CDC73: variants seen among roughly 807,000 people sequenced by gnomAD.
CDC73 encodes parafibromin.
In CDC73, 21 loss-of-function variants were observed where a neutral mutation model predicts 83.7. That is an observed-to-expected ratio of 0.25 (90% CI 0.18 to 0.36). CDC73 has a LOEUF of 0.36. Ranked by LOEUF, CDC73 falls within the 10% of genes least tolerant of loss-of-function variation. The pLI, the probability that CDC73 is intolerant of heterozygous loss-of-function variation, is 1.00. For synonymous variants in CDC73, 224 were observed against 212.9 expected (o/e 1.05, Z -0.45); for missense variants, 342 against 653.3 (o/e 0.52, Z 5.19).
At chr1:193,182,084 TG>T (rs1009285063) in intron 10 of CDC73, among the ~76,000 whole-genome samples, 2 of 152,098 alleles carry the variant, frequency 1.3e-5, no homozygotes, top group Non-Finnish European at 2.9e-5. Context: ...GACATACTAT[TG>T]GTGGTATGGT....
chr1:193,201,643 G>T (rs1677092996), intron 10 of CDC73, among the ~76,000 whole-genome samples: 3 of 152,076 alleles, frequency 2.0e-5, no homozygotes. Flanking sequence ...TAGGGAAACA[G>T]AAAATACCCA....
At chr1:193,152,516 C>G in intron 10 of CDC73, 72 bp downstream of exon 10, 1 of 946,370 alleles carries the variant, frequency 1.1e-6, no homozygotes, top group Non-Finnish European at 1.7e-6. Context: ...TGAAGTAAAT[C>G]TTTAGTCTCT....
chr1:193,124,461 G>T (rs1675527176), intron 1 of CDC73, among the ~76,000 whole-genome samples: 1 of 152,198 alleles, frequency 6.6e-6, no homozygotes, highest in Non-Finnish European at 1.5e-5. Flanking sequence ...ACCATATTCA[G>T]ATGGATTCAA....
chr1:193,181,569 A>G (rs2103159526), intron 10 of CDC73: 2 of 1,572,566 alleles, frequency 1.3e-6, no homozygotes, highest in East Asian at 2.2e-5. Context: ...GCATGTTGTA[A>G]ATATCCAGTA....
At chr1:193,139,439 GC>G (rs1469478166) in intron 6 of CDC73, among the ~76,000 whole-genome samples, 2 of 151,808 alleles carry the variant, frequency 1.3e-5, no homozygotes. Flanking sequence ...GCTAATTTTT[GC>G]ATGTTTTGCT....
chr1:193,131,888 G>T (rs899877569), intron 3 of CDC73, among the ~76,000 whole-genome samples: 3 of 152,110 alleles, frequency 2.0e-5, no homozygotes, highest in African/African-American at 7.2e-5. Context: ...GTGCCATCCT[G>T]ATTTATTTTT....
chr1:193,141,131 A>G (rs1472871638), intron 6 of CDC73: 1 of 152,196 alleles, frequency 6.6e-6, no homozygotes, highest in African/African-American at 2.4e-5. Flanking sequence ...ATTTTTGTCT[A>G]CTGTTATTAA....
intron 15 of CDC73, among the ~76,000 whole-genome samples, chr1:193,237,445 A>G (rs1295310895): frequency 6.6e-6 from 1 of 152,182 alleles, no homozygotes; most frequent in Non-Finnish European, 1.5e-5. Flanking sequence ...GCTTTGAAAG[A>G]TAATTTGGCT....
intron 10 of CDC73, chr1:193,185,920 C>G (rs567896690): frequency 6.6e-6 from 1 of 152,226 alleles, no homozygotes; most frequent in South Asian, 2.1e-4. Context: ...GTTTCAAGGG[C>G]AGTGAGCTGT....
rs1436234749 is a variant in CDC73, at chr1:193,251,145, A to C, written c.*433A>C. The C allele has an allele frequency of 4.0e-6, 1 of 250,050 alleles. No individual in the cohort carries two copies. The highest frequency in any genetic ancestry group is 2.2e-5 in the African/African-American group (1 of 45,462). The allele number at this position is 250,050 out of a possible 1,614,324, so 15.5% of individuals were successfully genotyped here. On this transcript the variant is annotated 3_prime_UTR_variant, in exon 17 of 17. Coordinates refer to ENST00000367435, the MANE Select transcript of CDC73 (RefSeq NM_024529.5). ...GTCTCTGGAACATCCAAAACCAAGC[A>C]AAGGGATGTGACTATTTTGAATGAA...
chr1:193,141,833 A>C lies in CDC73; in HGVS notation c.513-17A>C, dbSNP rs202192473. ...GGAATGCCTGCTGTGAAAATTTAAA[A>C]AAGAAATTGCTTTTAGGTCTTTGTC... On this transcript the variant is annotated splice_polypyrimidine_tract_variant and intron_variant, in intron 6 of 16. Transcript: ENST00000367435. 248 of 1,578,806 alleles carry C rather than the reference A, an allele frequency of 1.6e-4. No homozygotes were observed. The highest frequency in any genetic ancestry group is 1.2e-3 in the African/African-American group (91 of 74,170).
intron 2 of CDC73, among the ~76,000 whole-genome samples, chr1:193,129,111 C>T (rs1307372037): frequency 1.3e-5 from 2 of 151,518 alleles, no homozygotes; most frequent in Non-Finnish European, 2.9e-5. Context: ...GATTCTCTTG[C>T]CTCAGCCTCC....
intron 10 of CDC73, among the ~76,000 whole-genome samples, chr1:193,196,112 T>C (rs1263713865): frequency 2.6e-5 from 4 of 152,218 alleles, no homozygotes; most frequent in African/African-American, 9.6e-5. Flanking sequence ...TCTAAGAGTT[T>C]TATAGTTTTC....
At chr1:193,136,043 T>A (rs1433834961) in intron 5 of CDC73, among the ~76,000 whole-genome samples, 2 of 149,448 alleles carry the variant, frequency 1.3e-5, no homozygotes, top group African/African-American at 2.5e-5. Flanking sequence ...TAATTTTTGA[T>A]TTTTTTTTTA....
At chr1:193,164,920 A>G (rs2103145017) in intron 10 of CDC73, among the ~76,000 whole-genome samples, 1 of 152,278 alleles carries the variant, frequency 6.6e-6, no homozygotes, top group Non-Finnish European at 1.5e-5. Context: ...AAAGGATCTG[A>G]TTTATCACAG....
In CDC73 at chr1:193,122,151, C is replaced by T. The variant is rs746053637; in HGVS notation, c.-50C>T. ...GGCGACAAGAGAAGAAGGAGGCAGGCGCGGCGGCAGCGGCGGCGCCCCGAG... is the reference window on the plus strand; with the variant it reads ...GGCGACAAGAGAAGAAGGAGGCAGGTGCGGCGGCAGCGGCGGCGCCCCGAG... On this transcript the variant is annotated 5_prime_UTR_variant, in exon 1 of 17. Transcript: ENST00000367435. The T allele has an allele frequency of 1.3e-6, 2 of 1,586,408 alleles. No homozygotes were observed. Among genetic ancestry groups the T allele is most frequent in the Non-Finnish European group, 1.7e-6 (2 of 1,155,978 alleles).
chr1:193,209,690 A>G (rs1420198628), intron 11 of CDC73, among the ~76,000 whole-genome samples: 1 of 151,780 alleles, frequency 6.6e-6, no homozygotes, highest in Non-Finnish European at 1.5e-5. Context: ...AAACCTCTAA[A>G]CTTTATTTTT....
chr1:193,175,939 G>T (rs1676595400), intron 10 of CDC73, among the ~76,000 whole-genome samples: 1 of 152,132 alleles, frequency 6.6e-6, no homozygotes. Context: ...TCTCTCTGAA[G>T]TATATAGGAG....
chr1:193,147,786 GAT>G lies in CDC73; in HGVS notation c.730-79_730-78del, dbSNP rs1239091642. ...TGTAGTAGGGAAGAATCGATAGTAA[GAT>G]AACTTAGTCTTAAATTATCAACTAA... On this transcript the variant is annotated intron_variant, in intron 7 of 16. Transcript: ENST00000367435. 6 of 823,298 alleles carry G rather than the reference GAT, an allele frequency of 7.3e-6. No homozygotes were observed. The African/African-American group carries it at 1.0e-4, about 14-fold the overall frequency. The allele number at this position is 823,298 out of a possible 1,614,324, so 51.0% of individuals were successfully genotyped here.
Sources: allele counts gnomAD v4.1 joint callset (sites outside exome capture counted in the v4.1 genomes callset), GRCh38; gene constraint gnomAD v4.1.1; transcripts MANE v1.5; gene names NCBI Gene and HGNC (gene_info 2026-07-23, HGNC 2026-07-21).